ESR1: variants seen among roughly 807,000 people sequenced by gnomAD.
The protein encoded by ESR1 is estrogen receptor.
In ESR1, 12 loss-of-function variants were observed where a neutral mutation model predicts 52.7. The observed-to-expected ratio is 0.23, with a 90% CI of 0.15 to 0.37. The LOEUF is 0.37. Ranked by LOEUF, ESR1 falls within the 10% of genes least tolerant of loss-of-function variation. The probability of loss-of-function intolerance (pLI) is 1.00; values close to 1 mark genes in which losing one functional copy is unlikely to be tolerated. For missense variants in ESR1, 584 were observed against 779.7 expected, an observed-to-expected ratio of 0.75 and a Z score of 2.99; for synonymous variants, 305 against 316.8, an observed-to-expected ratio of 0.96 and a Z score of 0.39.
intron 1 of ESR1, among the ~76,000 whole-genome samples, chr6:151,693,799 G>A (rs1779120646): frequency 6.6e-6 from 1 of 152,150 alleles, no homozygotes; most frequent in African/African-American, 2.4e-5. Flanking sequence ...CATATTTTTA[G>A]TAGAGACGGG....
intron 3 of ESR1, among the ~76,000 whole-genome samples, chr6:151,883,019 A>G (rs545741356): frequency 2.0e-5 from 3 of 152,256 alleles, no homozygotes; most frequent in East Asian, 3.9e-4. Context: ...ATGAAATACC[A>G]CAGGCTGGGT....
chr6:152,077,228 G>T (rs1453825529), intron 6 of ESR1, among the ~76,000 whole-genome samples: 3 of 151,112 alleles, frequency 2.0e-5, no homozygotes, highest in Non-Finnish European at 2.9e-5. Context: ...TTCAGAGGTT[G>T]CAAGCCCCAA....
intron 2 of ESR1, among the ~76,000 whole-genome samples, chr6:151,870,945 A>C (rs773810978): frequency 2.0e-5 from 3 of 151,794 alleles, no homozygotes; most frequent in Non-Finnish European, 4.4e-5. Flanking sequence ...TCGACCTCCT[A>C]GGATCAAGTG....
chr6:152,048,325 T>C (rs2046396505), intron 5 of ESR1, among the ~76,000 whole-genome samples: 1 of 140,470 alleles, frequency 7.1e-6, no homozygotes, highest in Admixed American at 7.6e-5. Flanking sequence ...ATCGCACCTC[T>C]GCACTCCAGC....
In ESR1 at chr6:151,879,085, G is replaced by T. The variant is rs184853959; in HGVS notation, c.644-1570G>T. Among the ~76,000 whole-genome samples, 264 of 152,216 alleles carry T rather than the reference G, an allele frequency of 1.7e-3. 2 individuals carry two copies. The highest frequency in any genetic ancestry group is 6.2e-3 in the African/African-American group (256 of 41,538). On this transcript the variant is annotated intron_variant, in intron 2 of 7. Coordinates refer to ENST00000206249, the MANE Select transcript of ESR1 (RefSeq NM_000125.4). ...GTAGTAAGAGAAGAAGAAGACCTAG[G>T]ATTGAGCCCTGAGCACCTCTGGCTT...
At chr6:152,054,035 A>AT (rs906026102) in intron 5 of ESR1, among the ~76,000 whole-genome samples, 1 of 152,154 alleles carries the variant, frequency 6.6e-6, no homozygotes, top group Non-Finnish European at 1.5e-5. Context: ...GATGAGGTAT[A>AT]TTTTAACAAG....
At chr6:151,963,887 T>C (rs1341409561) in intron 4 of ESR1, among the ~76,000 whole-genome samples, 1 of 152,204 alleles carries the variant, frequency 6.6e-6, no homozygotes, top group African/African-American at 2.4e-5. Context: ...TTTTTATATG[T>C]GGATATCCAG....
chr6:152,029,234 C>T (rs1374110216), intron 5 of ESR1, among the ~76,000 whole-genome samples: 2 of 152,198 alleles, frequency 1.3e-5, no homozygotes, highest in South Asian at 2.1e-4. Context: ...ATCAGAGCAC[C>T]TCTCCTCCTC....
intron 2 of ESR1, among the ~76,000 whole-genome samples, chr6:151,770,573 G>T (rs1421815341): frequency 6.6e-6 from 1 of 151,994 alleles, no homozygotes; most frequent in African/African-American, 2.4e-5. Context: ...CTATGAAGAA[G>T]AATCTTCAAA....
Position 151,974,074 on chromosome 6 carries a change from TGA to T in ESR1, c.1096+29568_1096+29569del, listed in dbSNP as rs34959527. Among the ~76,000 whole-genome samples the T allele has an allele frequency of 7.4e-3, 1,132 of 152,262 alleles. 7 individuals are homozygous for T. The highest frequency in any genetic ancestry group is 0.014 in the Middle Eastern group (4 of 294). ...GTTCTGATAAAACTTTATTTAAAAATGAGGGGTCATCTGGGCTGTGGTTTTTC... is the reference window on the plus strand; with the variant it reads ...GTTCTGATAAAACTTTATTTAAAAATGGGGTCATCTGGGCTGTGGTTTTTC... On this transcript the variant is annotated intron_variant, in intron 4 of 7. Coordinates refer to ENST00000206249, the MANE Select transcript of ESR1 (RefSeq NM_000125.4).
At chr6:151,715,427 G>A (rs1322585624) in intron 2 of ESR1, among the ~76,000 whole-genome samples, 1 of 152,108 alleles carries the variant, frequency 6.6e-6, no homozygotes, top group East Asian at 1.9e-4. Flanking sequence ...ATCCTGAAAA[G>A]TGTTTTCCAA....
chr6:152,032,097 A>T (rs992441059), intron 5 of ESR1, among the ~76,000 whole-genome samples: 1 of 152,200 alleles, frequency 6.6e-6, no homozygotes, highest in Non-Finnish European at 1.5e-5. Context: ...ACAACCCTTC[A>T]TGCTAAAAAC....
chr6:151,750,448 C>T (rs748418055), intron 2 of ESR1, among the ~76,000 whole-genome samples: 1 of 152,054 alleles, frequency 6.6e-6, no homozygotes, highest in Non-Finnish European at 1.5e-5. Flanking sequence ...GTTCCTCAGT[C>T]CCAGATTTGG....
intron 2 of ESR1, among the ~76,000 whole-genome samples, chr6:151,703,364 C>T (rs1030761544): frequency 5.3e-5 from 8 of 152,144 alleles, no homozygotes; most frequent in African/African-American, 1.4e-4. Context: ...TGTGGAACCC[C>T]CAGAGCCTTG....
At chr6:151,833,994 T>C (rs1269207557) in intron 1 of ESR1, among the ~76,000 whole-genome samples, 1 of 152,098 alleles carries the variant, frequency 6.6e-6, no homozygotes, top group East Asian at 1.9e-4. Flanking sequence ...AAAACCACAA[T>C]GATATACCAT....
At chr6:151,869,465 C>A (rs773908919) in intron 2 of ESR1, among the ~76,000 whole-genome samples, 4 of 152,152 alleles carry the variant, frequency 2.6e-5, no homozygotes, top group Non-Finnish European at 5.9e-5. Context: ...TTACTGAAAG[C>A]GGTTCATTGT....
At chr6:151,977,574 C>T (rs1326950523) in intron 4 of ESR1, among the ~76,000 whole-genome samples, 18 of 152,028 alleles carry the variant, frequency 1.2e-4, no homozygotes, top group South Asian at 8.3e-4. Flanking sequence ...GGAGGTGGAT[C>T]GCTTGAGGTC....
chr6:151,695,276 T>G (rs1356724446), intron 1 of ESR1, among the ~76,000 whole-genome samples: 2 of 152,226 alleles, frequency 1.3e-5, no homozygotes, highest in African/African-American at 2.4e-5. Flanking sequence ...CTCAATTTTT[T>G]GGGTTTTCCT....
chr6:151,737,473 GAA>G (rs1782764650), intron 2 of ESR1, among the ~76,000 whole-genome samples: 1 of 152,122 alleles, frequency 6.6e-6, no homozygotes, highest in African/African-American at 2.4e-5. Context: ...CAAAACAAAA[GAA>G]AAAGTTTCTC....
Sources: allele counts gnomAD v4.1 joint callset (sites outside exome capture counted in the v4.1 genomes callset), GRCh38; gene constraint gnomAD v4.1.1; transcripts MANE v1.5; gene names NCBI Gene and HGNC (gene_info 2026-07-23, HGNC 2026-07-21).